The following CTTNBP2 variants were observed in gnomAD, a reference collection of about 807,000 sequenced individuals.
CTTNBP2 encodes cortactin-binding protein 2.
A neutral mutation model predicts 156.9 loss-of-function variants in CTTNBP2; 108 were observed. The observed-to-expected ratio is 0.69, with a 90% CI of 0.59 to 0.81. CTTNBP2 has a LOEUF of 0.81. Among genes scored for constraint, CTTNBP2 ranks in the 30% least tolerant of loss-of-function variants. The pLI is 0.00. For missense variants in CTTNBP2, 1,924 were observed against 2,035.4 expected, an observed-to-expected ratio of 0.95 and a Z score of 1.05; for synonymous variants, 767 against 751.8, an observed-to-expected ratio of 1.02 and a Z score of -0.33.
intron 16 of CTTNBP2, among the ~76,000 whole-genome samples, chr7:117,729,083 T>TC (rs1394507344): frequency 6.6e-6 from 1 of 152,136 alleles, no homozygotes; most frequent in Non-Finnish European, 1.5e-5. Flanking sequence ...TGTAACTCGG[T>TC]CCCCAGGGAA....
chr7:117,811,178 T>C (rs1417303121), intron 2 of CTTNBP2, among the ~76,000 whole-genome samples, 189 bp from the exon 3 acceptor site: 1 of 152,160 alleles, frequency 6.6e-6, no homozygotes, highest in East Asian at 1.9e-4. Flanking sequence ...TGCCATTCCA[T>C]CTGCTTTCAA....
At chr7:117,800,997 C>T (rs1483272428) in intron 3 of CTTNBP2, among the ~76,000 whole-genome samples, 2 of 152,046 alleles carry the variant, frequency 1.3e-5, no homozygotes, top group Non-Finnish European at 2.9e-5. Context: ...ATAGAAGAAG[C>T]CAGCTTAAGA....
At chr7:117,766,298 A>T (rs1488412279) in intron 9 of CTTNBP2, among the ~76,000 whole-genome samples, 1 of 152,234 alleles carries the variant, frequency 6.6e-6, no homozygotes, top group Non-Finnish European at 1.5e-5. Flanking sequence ...CTCGGGTTTA[A>T]AGAGAATTTC....
chr7:117,771,946 G>C (rs1236183205), intron 8 of CTTNBP2, among the ~76,000 whole-genome samples: 1 of 152,160 alleles, frequency 6.6e-6, no homozygotes, highest in African/African-American at 2.4e-5. Flanking sequence ...GCAGCAGCAG[G>C]GAGGGGAGAG....
chr7:117,711,510 TTAA>T lies in CTTNBP2; in HGVS notation c.*24_*26del, dbSNP rs775542537. ...TGGTTTCTGTGTGAAATAGAGGAAGTTAATAATGAGAATATTGTAGGCAGGCCT... is the reference window on the plus strand; with the variant it reads ...TGGTTTCTGTGTGAAATAGAGGAAGTTAATGAGAATATTGTAGGCAGGCCT... On this transcript the variant is annotated 3_prime_UTR_variant, in exon 23 of 23. Coordinates refer to ENST00000160373, the MANE Select transcript of CTTNBP2 (RefSeq NM_033427.3). 1.9e-6 allele frequency: 3 copies of T among 1,592,302 alleles called. No individual in the cohort carries two copies. The African/African-American group carries it at 4.1e-5, about 22-fold the overall frequency.
At chr7:117,865,203 CAG>C (rs1804084692) in intron 1 of CTTNBP2, among the ~76,000 whole-genome samples, 1 of 151,762 alleles carries the variant, frequency 6.6e-6, no homozygotes, top group Non-Finnish European at 1.5e-5. Context: ...AGGTCTCTAT[CAG>C]GGCACCATGA....
At chr7:117,822,707 A>T (rs577700086) in intron 2 of CTTNBP2, among the ~76,000 whole-genome samples, 2 of 152,318 alleles carry the variant, frequency 1.3e-5, no homozygotes, top group South Asian at 4.1e-4. Flanking sequence ...ATTTAAGTCT[A>T]TTGAGGTCAC....
At chr7:117,803,401 G>C (rs2116926553) in intron 3 of CTTNBP2, among the ~76,000 whole-genome samples, 1 of 152,234 alleles carries the variant, frequency 6.6e-6, no homozygotes, top group Admixed American at 6.5e-5. Flanking sequence ...GGGGAAAGGG[G>C]AAAGGACTGA....
chr7:117,817,373 T>A lies in CTTNBP2; in HGVS notation c.190-6384A>T, dbSNP rs1193035584. On this transcript the variant is annotated intron_variant, in intron 2 of 22. Transcript: ENST00000160373. Reference sequence around the variant, plus strand: ...AAAAAAAAAAAAAAATATATATATATATATATATATATATAATTTCATCAG... The same window carrying A: ...AAAAAAAAAAAAAAATATATATATAAATATATATATATATAATTTCATCAG... Among the ~76,000 whole-genome samples, 89 of 113,330 alleles carry A rather than the reference T, an allele frequency of 7.9e-4. 7 individuals carry two copies. Among genetic ancestry groups the A allele is most frequent in the African/African-American group, 2.5e-3 (80 of 32,440 alleles). 74.3% of individuals were successfully genotyped at this position (113,330 alleles called of 152,430 possible). A position where few individuals can be genotyped will look rare whatever the true frequency, so the allele number is the denominator to read the frequency against.
intron 9 of CTTNBP2, 38 bp from the exon 10 acceptor site, chr7:117,760,748 C>G: frequency 6.9e-7 from 1 of 1,449,156 alleles, no homozygotes; most frequent in Non-Finnish European, 9.4e-7. Flanking sequence ...TTAAAAAAAT[C>G]TGGACAGAAA....
intron 14 of CTTNBP2, among the ~76,000 whole-genome samples, 194 bp from the exon 15 acceptor site, chr7:117,735,615 A>G (rs940725530): frequency 6.6e-5 from 10 of 152,220 alleles, no homozygotes; most frequent in Admixed American, 3.3e-4. Flanking sequence ...CACACTCAAA[A>G]TGATCCAACA....
At chr7:117,810,005 C>A (rs1800173354) in intron 3 of CTTNBP2, among the ~76,000 whole-genome samples, 1 of 152,000 alleles carries the variant, frequency 6.6e-6, no homozygotes, top group African/African-American at 2.4e-5. Context: ...ATTAGAAGGG[C>A]AAAATTTAAA....
At chr7:117,726,793 T>C (rs1421672939) in intron 17 of CTTNBP2, among the ~76,000 whole-genome samples, 1 of 152,172 alleles carries the variant, frequency 6.6e-6, no homozygotes, top group Non-Finnish European at 1.5e-5. Flanking sequence ...TGTATCACCC[T>C]GTGGGGCTTC....
intron 14 of CTTNBP2, among the ~76,000 whole-genome samples, chr7:117,736,221 A>C (rs1407430016): frequency 6.6e-6 from 1 of 152,124 alleles, no homozygotes; most frequent in Non-Finnish European, 1.5e-5. Flanking sequence ...TTGGGAGGCC[A>C]GGGTGGGCAG....
At chr7:117,739,962 A>AT (rs1373740735) in intron 14 of CTTNBP2, among the ~76,000 whole-genome samples, 7 of 151,588 alleles carry the variant, frequency 4.6e-5, no homozygotes, top group South Asian at 2.1e-4. Context: ...CTAGTGTTTA[A>AT]TTTTTTTTTC....
rs146318066 is a variant in CTTNBP2 at position 117,776,412 on chromosome 7, T to C, written c.2778+1099A>G. Among the ~76,000 whole-genome samples the C allele has an allele frequency of 1.8e-3, 269 of 152,328 alleles. 3 individuals carry two copies. Among genetic ancestry groups the C allele is most frequent in the Middle Eastern group, 0.014 (4 of 294 alleles). Reference sequence around the variant, plus strand: ...ACAAAACCTTTCAATGGTTTCACTTTGACTAGTAAATTAAGACCAAACTCC... The same window carrying C: ...ACAAAACCTTTCAATGGTTTCACTTCGACTAGTAAATTAAGACCAAACTCC... On this transcript the variant is annotated intron_variant, in intron 8 of 22. Coordinates refer to ENST00000160373, the MANE Select transcript of CTTNBP2 (RefSeq NM_033427.3).
intron 2 of CTTNBP2, among the ~76,000 whole-genome samples, chr7:117,826,402 G>A (rs1406816446): frequency 6.6e-6 from 1 of 152,102 alleles, no homozygotes; most frequent in Non-Finnish European, 1.5e-5. Flanking sequence ...CAGTTCTAAC[G>A]TAAGTCAAAT....
chr7:117,733,261 T>C (rs1795503811), intron 16 of CTTNBP2, among the ~76,000 whole-genome samples: 1 of 152,210 alleles, frequency 6.6e-6, no homozygotes, highest in African/African-American at 2.4e-5. Flanking sequence ...TGCTTATTGG[T>C]ATAGGAAAGG....
At chr7:117,815,854 C>T (rs34963051) in intron 2 of CTTNBP2, among the ~76,000 whole-genome samples, 18 of 152,294 alleles carry the variant, frequency 1.2e-4, no homozygotes, top group Admixed American at 8.5e-4. Flanking sequence ...GACTCTGGGG[C>T]TCACTGGCCT....
Sources: gnomAD v4.1 joint callset for allele counts (sites outside exome capture counted in the v4.1 genomes callset) on GRCh38, gnomAD v4.1.1 for gene constraint, MANE v1.5 for transcripts, NCBI Gene and HGNC (gene_info 2026-07-23, HGNC 2026-07-21) for gene names.